ESRRG: variants seen among roughly 807,000 people sequenced by gnomAD.
ESRRG encodes the protein estrogen related receptor gamma.
ESRRG carries 13 observed loss-of-function variants against 44.0 expected under a neutral mutation model. That is an observed-to-expected ratio of 0.30 (90% CI 0.19 to 0.47). The LOEUF is 0.47. Among genes scored for constraint, ESRRG ranks in the 20% least tolerant of loss-of-function variants. The pLI is 1.00. For synonymous variants in ESRRG, 215 were observed against 214.6 expected, an observed-to-expected ratio of 1.00 and a Z score of -0.02; for missense variants, 395 against 580.6, an observed-to-expected ratio of 0.68 and a Z score of 3.29.
At chr1:216,567,077 C>T (rs1392877811) in intron 4 of ESRRG, among the ~76,000 whole-genome samples, 1 of 152,122 alleles carries the variant, frequency 6.6e-6, no homozygotes, top group African/African-American at 2.4e-5. Flanking sequence ...CATGTCTTTC[C>T]TAGAACTGCT....
intron 2 of ESRRG, among the ~76,000 whole-genome samples, chr1:216,769,360 G>A (rs1367988781): frequency 6.6e-6 from 1 of 152,098 alleles, no homozygotes; most frequent in Admixed American, 6.6e-5. Flanking sequence ...AGGTAGGTGG[G>A]ATGACATAAG....
intron 2 of ESRRG, among the ~76,000 whole-genome samples, chr1:216,866,408 T>C (rs2096159775): frequency 6.6e-6 from 1 of 152,138 alleles, no homozygotes; most frequent in African/African-American, 2.4e-5. Flanking sequence ...TATTGAAATA[T>C]ATATTTTTTA....
intron 1 of ESRRG, among the ~76,000 whole-genome samples, chr1:216,953,443 A>G (rs1393647963): frequency 1.3e-5 from 2 of 151,900 alleles, no homozygotes; most frequent in Non-Finnish European, 2.9e-5. Flanking sequence ...TTTTTTTCCC[A>G]TCATTATTTT....
chr1:217,119,611 G>T (rs2092791677), intron 1 of ESRRG, among the ~76,000 whole-genome samples: 1 of 152,170 alleles, frequency 6.6e-6, no homozygotes, highest in South Asian at 2.1e-4. Flanking sequence ...TGTTTTTCTA[G>T]CATGATCTCT....
chr1:216,838,002 G>T (rs1184397333), intron 2 of ESRRG, among the ~76,000 whole-genome samples: 1 of 152,114 alleles, frequency 6.6e-6, no homozygotes, highest in Non-Finnish European at 1.5e-5. Flanking sequence ...GCCTAGGTTT[G>T]GGAGATGAGC....
At chr1:216,556,478 T>C (rs1016486681) in intron 5 of ESRRG, among the ~76,000 whole-genome samples, 2 of 152,192 alleles carry the variant, frequency 1.3e-5, no homozygotes, top group African/African-American at 4.8e-5. Flanking sequence ...TTCAAAAGTA[T>C]TGGGAAATCT....
intron 2 of ESRRG, among the ~76,000 whole-genome samples, chr1:216,910,667 G>A (rs2060201117): frequency 6.6e-6 from 1 of 152,096 alleles, no homozygotes; most frequent in African/African-American, 2.4e-5. Flanking sequence ...CAGGAAATGG[G>A]GCCGACAATG....
At chr1:217,068,023 TA>T (rs1225220377) in intron 1 of ESRRG, among the ~76,000 whole-genome samples, 1 of 152,192 alleles carries the variant, frequency 6.6e-6, no homozygotes, top group African/African-American at 2.4e-5. Context: ...ACTCTCTTAT[TA>T]CATGGTAAAG....
At chr1:216,937,255 A>C (rs1442807711) in intron 2 of ESRRG, among the ~76,000 whole-genome samples, 1 of 152,188 alleles carries the variant, frequency 6.6e-6, no homozygotes, top group Non-Finnish European at 1.5e-5. Flanking sequence ...AGAAAAAAAA[A>C]AGATTGCCGT....
At chr1:216,724,987 A>C (rs1313945295), upstream of ESRRG, among the ~76,000 whole-genome samples, 2 of 152,152 alleles carry the variant, frequency 1.3e-5, no homozygotes, top group Admixed American at 1.3e-4. Flanking sequence ...AAAATAAATT[A>C]GTTCAGATAT....
At chr1:216,684,927 A>C (rs549894108) in intron 1 of ESRRG, among the ~76,000 whole-genome samples, 1 of 152,348 alleles carries the variant, frequency 6.6e-6, no homozygotes, top group Non-Finnish European at 1.5e-5. Flanking sequence ...CTATATCCTC[A>C]CAACTGCTCA....
Position 217,022,619 on chromosome 1 carries a change from T to C in ESRRG, c.-106+66888A>G, listed in dbSNP as rs77713717. On this transcript the variant is annotated intron_variant, in intron 1 of 7. Coordinates refer to the ESRRG transcript ENST00000359162. ...AGCAACAGCCGTTGCCCAGGCTGGA[T>C]TAATGGGAGCATCGACCCTGTGCTT... 2.0e-3 allele frequency among the ~76,000 whole-genome samples: 301 copies of C among 152,272 alleles called. 1 individual carries two copies. Among genetic ancestry groups the C allele is most frequent in the African/African-American group, 6.0e-3 (248 of 41,554 alleles).
intron 2 of ESRRG, among the ~76,000 whole-genome samples, chr1:216,928,947 G>GGATAGGAGAGCTTCCGCT (rs2062948731): frequency 2.0e-5 from 3 of 152,182 alleles, no homozygotes; most frequent in Admixed American, 2.0e-4. Flanking sequence ...CTAGGGATAG[G>GGATAGGAGAGCTTCCGCT]AGGAGAGCGG....
intron 3 of ESRRG, among the ~76,000 whole-genome samples, chr1:216,635,050 T>C (rs2065019256): frequency 6.6e-6 from 1 of 151,902 alleles, no homozygotes; most frequent in Non-Finnish European, 1.5e-5. Context: ...CCAAACCCCA[T>C]ATTTTGAGAC....
intron 1 of ESRRG, among the ~76,000 whole-genome samples, chr1:217,030,181 C>T (rs1202560087): frequency 6.6e-6 from 1 of 152,056 alleles, no homozygotes; most frequent in Non-Finnish European, 1.5e-5. Flanking sequence ...GTCTCTCTCT[C>T]TCATGGACAT....
intron 5 of ESRRG, among the ~76,000 whole-genome samples, chr1:216,533,972 A>T (rs939826988): frequency 6.6e-6 from 1 of 152,176 alleles, no homozygotes; most frequent in Admixed American, 6.6e-5. Context: ...GCTTTTAGGC[A>T]CTAGGCTCCT....
intron 2 of ESRRG, among the ~76,000 whole-genome samples, chr1:216,674,565 C>T (rs2075761693): frequency 6.6e-6 from 1 of 150,834 alleles, no homozygotes; most frequent in Non-Finnish European, 1.5e-5. Flanking sequence ...TTAAGTATCT[C>T]ATCTACTATG....
chr1:216,967,923 G>A (rs937722251), intron 1 of ESRRG, among the ~76,000 whole-genome samples: 1 of 152,100 alleles, frequency 6.6e-6, no homozygotes, highest in Non-Finnish European at 1.5e-5. Flanking sequence ...CAGCGTCTTG[G>A]ATTTTGGCCA....
At chr1:216,727,259 A>G (rs1396558133), upstream of ESRRG, among the ~76,000 whole-genome samples, 1 of 152,206 alleles carries the variant, frequency 6.6e-6, no homozygotes, top group East Asian at 1.9e-4. Flanking sequence ...AAGCTGTTTA[A>G]CTTTTTGAAC....
Sources: gnomAD v4.1 joint callset for allele counts (sites outside exome capture counted in the v4.1 genomes callset) on GRCh38, gnomAD v4.1.1 for gene constraint, MANE v1.5 for transcripts, NCBI Gene and HGNC (gene_info 2026-07-23, HGNC 2026-07-21) for gene names.